DIP2A: variants seen among roughly 807,000 people sequenced by gnomAD.
The protein encoded by DIP2A is DIP2 acetate--CoA ligase A, also known as disco-interacting protein 2 homolog A.
DIP2A carries 85 observed loss-of-function variants against 177.4 expected under a neutral mutation model. That is an observed-to-expected ratio of 0.48 (90% CI 0.40 to 0.57). The LOEUF (loss-of-function observed/expected upper bound fraction) is 0.57. DIP2A is among the 20% of genes least tolerant of loss of function. The pLI is 0.00. For synonymous variants in DIP2A, 886 were observed against 881.8 expected (o/e 1.00, Z -0.08); for missense variants, 1,791 against 2,100.2 (o/e 0.85, Z 2.88).
rs533759878 is a variant in DIP2A, at chr21:46,480,649, G to A, written c.92-4108G>A. Among the ~76,000 whole-genome samples, 19 of 152,250 alleles carry A rather than the reference G, an allele frequency of 1.2e-4. No individual in the cohort carries two copies. The South Asian group carries it at 1.9e-3, about 15-fold the overall frequency. ...GGGACCTAGTGGACTCTTTGGACCC[G>A]TTCTTTGGCAGCAAGGGAAAGGCCA... On this transcript the variant is annotated intron_variant, in intron 1 of 37. Transcript: ENST00000417564.
intron 7 of DIP2A, 64 bp downstream of exon 7, chr21:46,509,440 A>G: frequency 6.5e-7 from 1 of 1,547,938 alleles, no homozygotes. Context: ...AAGTTGAGAA[A>G]CACAGGCAAA....
At chr21:46,580,131 T>A in the DIP2A span, among the ~76,000 whole-genome samples, 1 of 152,354 alleles carries the variant, frequency 6.6e-6, no homozygotes, top group South Asian at 2.1e-4. Context: ...ATCTGGGTGC[T>A]CCTGTATTGG....
intron 1 of DIP2A, among the ~76,000 whole-genome samples, chr21:46,477,543 T>TTTTTTTGTGTGTGTGTGTGTG (rs374607636): frequency 5.7e-5 from 5 of 87,094 alleles, no homozygotes; most frequent in African/African-American, 2.2e-4. Flanking sequence ...AAAAAAAGAT[T>TTTTTTTGTGTGTGTGTGTGTG]TGTGTGTGTG....
chr21:46,491,798 G>C (rs2057032267), intron 3 of DIP2A, among the ~76,000 whole-genome samples: 1 of 152,088 alleles, frequency 6.6e-6, no homozygotes, highest in South Asian at 2.1e-4. Flanking sequence ...CCTGTTCCCT[G>C]CTCATGGAAG....
intron 5 of DIP2A, among the ~76,000 whole-genome samples, chr21:46,504,149 A>G (rs1353331088): frequency 1.3e-5 from 2 of 152,242 alleles, no homozygotes; most frequent in African/African-American, 2.4e-5. Flanking sequence ...TGAGCCACCC[A>G]CATGCACGCA....
chr21:46,484,454 C>G (rs930557480), intron 1 of DIP2A, among the ~76,000 whole-genome samples: 1 of 152,142 alleles, frequency 6.6e-6, no homozygotes, highest in African/African-American at 2.4e-5. Context: ...CTGTATCTGA[C>G]GCTATGGTTG....
chr21:46,549,994 C>CA (rs1470408402), intron 22 of DIP2A, 109 bp downstream of exon 22: 1 of 1,547,568 alleles, frequency 6.5e-7, no homozygotes, highest in Non-Finnish European at 8.7e-7. Context: ...TCCCTGGCTC[C>CA]AGCTTTGTTT....
intron 8 of DIP2A, among the ~76,000 whole-genome samples, chr21:46,518,996 C>T (rs111587859): frequency 0.075 from 11,483 of 152,192 alleles, 1,059 homozygotes; most frequent in African/African-American, 0.23. Flanking sequence ...ATATGCTAAA[C>T]AAGGGGTGGA....
intron 21 of DIP2A, 191 bp downstream of exon 21, chr21:46,547,233 C>T: frequency 7.3e-7 from 1 of 1,364,266 alleles, no homozygotes; most frequent in Admixed American, 3.2e-5. Context: ...CCTTACTGTC[C>T]AAAGAGTTCC....
chr21:46,575,874 G>C, the DIP2A span, among the ~76,000 whole-genome samples: 1 of 152,142 alleles, frequency 6.6e-6, no homozygotes, highest in Non-Finnish European at 1.5e-5. Context: ...TCTAATTATG[G>C]TTTTTGCAGA....
At chr21:46,475,504 C>G (rs2839276) in intron 1 of DIP2A, among the ~76,000 whole-genome samples, 1 of 152,140 alleles carries the variant, frequency 6.6e-6, no homozygotes, top group East Asian at 1.9e-4. Flanking sequence ...AGCAAGTACT[C>G]TCTGGTCCTT....
At position 46,504,432 on chromosome 21, in the gene DIP2A, G is replaced by C; in HGVS notation, c.727G>C (p.Ala243Pro). The C allele has an allele frequency of 6.2e-7, 1 of 1,613,820 alleles. No individual in the cohort carries two copies. The highest frequency in any genetic ancestry group is 1.1e-5 in the South Asian group (1 of 91,040). ...EHSYFERPQV[A>P]SVRSVPRGCS... Reference sequence around the variant, plus strand: ...TTCGTACTTTGAGCGTCCACAGGTGGCTTCTGTGAGAAGTGTTCCTCGGGG... The same window carrying C: ...TTCGTACTTTGAGCGTCCACAGGTGCCTTCTGTGAGAAGTGTTCCTCGGGG... The change falls in exon 6 of 38, where the codon GCT (alanine) becomes CCT (proline). Residue 243 changes from alanine (A) to proline (P), a missense_variant. By Grantham distance (27) the Ala-to-Pro change is conservative (BLOSUM62 -1). Transcript: ENST00000417564.
At chr21:46,543,767 G>T (rs1452159871) in intron 18 of DIP2A, among the ~76,000 whole-genome samples, 1 of 152,200 alleles carries the variant, frequency 6.6e-6, no homozygotes. Flanking sequence ...GCATGTGCTT[G>T]TAAGTGTTGT....
intron 6 of DIP2A, among the ~76,000 whole-genome samples, chr21:46,506,725 TTTCTTTC>T (rs2058010447): frequency 1.1e-4 from 1 of 9,380 alleles, no homozygotes; most frequent in African/African-American, 3.0e-4. Context: ...TGTGCTTGTT[TTTCTTTC>T]TTTCTTTCTT....
chr21:46,559,096 C>CAAAAAAAAAAAA (rs58469641), intron 32 of DIP2A: 1 of 56,718 alleles, frequency 1.8e-5, no homozygotes, highest in African/African-American at 7.8e-5. Context: ...GACCCTGTCT[C>CAAAAAAAAAAAA]AAAAAAAAAA....
chr21:46,540,078 G>A, intron 17 of DIP2A, 87 bp downstream of exon 17: 2 of 1,193,248 alleles, frequency 1.7e-6, no homozygotes, highest in South Asian at 2.6e-5. Context: ...GCCTGTGCCT[G>A]TTAGGATCCA....
intron 33 of DIP2A, 156 bp from the exon 34 acceptor site, chr21:46,561,592 C>T (rs1481078676): frequency 3.0e-6 from 3 of 1,005,382 alleles, no homozygotes; most frequent in Non-Finnish European, 3.1e-6. Context: ...TTGGGGTGTC[C>T]CTGCCATTCA....
In DIP2A at chr21:46,556,130, A is replaced by C. The variant is rs2060459740; in HGVS notation, c.3498+39A>C. ...AATCTTGTTTGCTTCAGCCCCTAGA[A>C]ATCAGGAGGAGTGGACAGAAAGGAT... is the stretch of plus-strand genomic sequence containing the variant. On this transcript the variant is annotated intron_variant, in intron 29 of 37. Transcript: ENST00000417564. This position sits in a 1 kb window ranked among gnomAD's most constrained non-coding sequence, Gnocchi z 4.5. 7 of 1,562,686 alleles carry C rather than the reference A, an allele frequency of 4.5e-6. 1 individual carries two copies. In the South Asian group the frequency reaches 7.8e-5, roughly 17 times the overall value.
rs2059938572 is a variant in DIP2A at position 46,544,233 on chromosome 21, TG to T, written c.2177-901del. Reference sequence around the variant, plus strand: ...GGGTGCACTTAAGTAAAAACAGAACTGGGTGATGGGGCTGTGGGAGGAGTCA... The same window carrying T: ...GGGTGCACTTAAGTAAAAACAGAACTGGTGATGGGGCTGTGGGAGGAGTCA... On this transcript the variant is annotated intron_variant, in intron 18 of 37. Coordinates refer to ENST00000417564, the MANE Select transcript of DIP2A (RefSeq NM_015151.4). 2.6e-5 allele frequency among the ~76,000 whole-genome samples: 4 copies of T among 151,084 alleles called. 1 individual carries two copies. The South Asian group carries it at 8.4e-4, about 32-fold the overall frequency.
Sources: allele counts gnomAD v4.1 joint callset (sites outside exome capture counted in the v4.1 genomes callset), GRCh38; gene constraint gnomAD v4.1.1; non-coding constraint Gnocchi (gnomAD v3.1); transcripts MANE v1.5; gene names NCBI Gene and HGNC (gene_info 2026-07-23, HGNC 2026-07-21).